Variants in MROH1 observed in about 807,000 individuals in gnomAD.
MROH1 encodes the protein maestro heat-like repeat-containing protein family member 1.
In MROH1, 117 loss-of-function variants were observed where a neutral mutation model predicts 116.5. The observed-to-expected ratio is 1.00, with a 90% confidence interval of 0.86 to 1.17. The LOEUF (loss-of-function observed/expected upper bound fraction) is 1.17. Among genes scored for constraint, MROH1 ranks in the 50% most tolerant of loss-of-function variants. The pLI is 0.00. For missense variants in MROH1, 1,873 were observed against 1,338.5 expected, an observed-to-expected ratio of 1.40 and a Z score of -6.23; for synonymous variants, 921 against 583.9, an observed-to-expected ratio of 1.58 and a Z score of -8.32.
chr8:144,177,069 G>T (rs1195051483), intron 4 of MROH1, among the ~76,000 whole-genome samples: 1 of 152,160 alleles, frequency 6.6e-6, no homozygotes, highest in Non-Finnish European at 1.5e-5. Context: ...CAGGTTCCAC[G>T]TGAACTTAGT....
Position 144,243,542 on chromosome 8 carries a change from C to G in MROH1, c.2401C>G (p.Arg801Gly). 1.3e-6 allele frequency: 1 copy of G among 780,186 alleles called. No individual in the cohort carries two copies. The allele number at this position is 780,186 out of a possible 1,614,324, so 48.3% of individuals were successfully genotyped here. ...TGTCCAGAGTGTGTGCATGGTCAGC[C>G]GCGCCATCTGCAGCAGCACCCAGGC... ...CLVQSVCMVS[R>G]AICSSTQAGS... is the part of the protein sequence containing the mutation. Residue 801 changes from arginine (R) to glycine (G), a missense_variant, in exon 25 of 44, where the codon CGC (arginine) becomes GGC (glycine). By Grantham distance (125) the Arg-to-Gly change is moderately radical. Coordinates refer to ENST00000326134, the MANE Select transcript of MROH1 (RefSeq NM_032450.3).
At chr8:144,155,256 A>G (rs1817758181) in intron 1 of MROH1, among the ~76,000 whole-genome samples, 2 of 151,988 alleles carry the variant, frequency 1.3e-5, no homozygotes, top group Admixed American at 1.3e-4. Flanking sequence ...CGGCCTCTCA[A>G]TACTGCGTCT....
Position 144,192,414 on chromosome 8 carries a change from C to A in MROH1, c.948+13C>A. On this transcript the variant is annotated intron_variant, in intron 10 of 43. Transcript: ENST00000326134. ...ACTGCACTCCCAGGTAGGAGGCGGG[C>A]GTCAGGGGGCGGGTCCAGGTTCTGC... The A allele has an allele frequency of 6.4e-7, 1 of 1,569,068 alleles. No individual in the cohort carries two copies. Among genetic ancestry groups the A allele is most frequent in the Non-Finnish European group, 8.6e-7 (1 of 1,162,306 alleles).
chr8:144,148,511 A>T (rs956597218), intron 1 of MROH1: 1 of 152,192 alleles, frequency 6.6e-6, no homozygotes, highest in Non-Finnish European at 1.5e-5. Flanking sequence ...AGGCGGGGCC[A>T]CCGGGGGTCC....
chr8:144,187,132 C>T (rs974433180), intron 7 of MROH1, among the ~76,000 whole-genome samples: 1 of 151,806 alleles, frequency 6.6e-6, no homozygotes, highest in African/African-American at 2.4e-5. Context: ...AAACTCAGGC[C>T]GGGCATGGTG....
At chr8:144,159,356 G>A (rs1818934448) in intron 1 of MROH1, among the ~76,000 whole-genome samples, 1 of 152,128 alleles carries the variant, frequency 6.6e-6, no homozygotes, top group African/African-American at 2.4e-5. Context: ...GAAACTCCGT[G>A]TCAAAAAGAA....
At chr8:144,256,696 G>A (rs924850848) in intron 35 of MROH1, among the ~76,000 whole-genome samples, 24 of 152,366 alleles carry the variant, frequency 1.6e-4, no homozygotes, top group Admixed American at 1.5e-3. Context: ...AGAGCCTGGT[G>A]TACAGGCCGT....
chr8:144,227,848 G>A (rs1290809732), intron 14 of MROH1, among the ~76,000 whole-genome samples: 1 of 152,102 alleles, frequency 6.6e-6, no homozygotes, highest in Non-Finnish European at 1.5e-5. Context: ...AGCCACTCGA[G>A]AGGCTGAGGT....
rs1375738272 is a variant in MROH1, at chr8:144,182,564, G to A, written c.562+2041G>A. Among the ~76,000 whole-genome samples, 1 of 152,142 alleles carries A rather than the reference G, an allele frequency of 6.6e-6. No homozygotes were observed. The highest frequency in any genetic ancestry group is 1.5e-5 in the Non-Finnish European group (1 of 68,032). On this transcript the variant is annotated intron_variant, in intron 7 of 43. Transcript: ENST00000326134. The surrounding 1 kb of genome is among the most constrained non-coding windows in gnomAD (Gnocchi z 4.1). ...ATTGAGAGAATAAAACTGACCTTCT[G>A]TGAATTAAAGATGCCATAATAGAAA...
At chr8:144,258,377 G>C (rs1239564569) in intron 35 of MROH1, among the ~76,000 whole-genome samples, 1 of 152,244 alleles carries the variant, frequency 6.6e-6, no homozygotes, top group Non-Finnish European at 1.5e-5. Context: ...GGAGTCTCCT[G>C]GGGTACAGGT....
chr8:144,257,047 C>T (rs983141226), intron 35 of MROH1, among the ~76,000 whole-genome samples: 377 of 152,274 alleles, frequency 2.5e-3, no homozygotes, highest in South Asian at 4.1e-3. Flanking sequence ...GTCCTCCCTC[C>T]GCCTGCGGCT....
At chr8:144,258,700 T>A in intron 35 of MROH1, 77 bp from the exon 36 acceptor site, 1 of 706,014 alleles carries the variant, frequency 1.4e-6, no homozygotes. Flanking sequence ...ACGCATTGGG[T>A]GCAGACCTGA....
At chr8:144,152,534 G>A (rs1036331282) in intron 1 of MROH1, among the ~76,000 whole-genome samples, 2 of 146,636 alleles carry the variant, frequency 1.4e-5, no homozygotes, top group African/African-American at 2.7e-5. Flanking sequence ...GACTACAGGC[G>A]TGTGAAAAAT....
chr8:144,239,984 G>A, intron 18 of MROH1, 117 bp from the exon 19 acceptor site: 2 of 712,722 alleles, frequency 2.8e-6, no homozygotes, highest in Non-Finnish European at 2.6e-6. Context: ...CAGGTGGGGG[G>A]CAGCGGGGCG....
chr8:144,237,146 C>T (rs1187594689), intron 14 of MROH1, among the ~76,000 whole-genome samples: 3 of 151,812 alleles, frequency 2.0e-5, no homozygotes, highest in Admixed American at 6.6e-5. Flanking sequence ...ACCTTGTGAT[C>T]CGCTCAACTC....
chr8:144,181,506 C>T (rs1401513612), intron 7 of MROH1, among the ~76,000 whole-genome samples: 2 of 152,212 alleles, frequency 1.3e-5, no homozygotes, highest in Non-Finnish European at 2.9e-5. Flanking sequence ...AGCCCTTGCG[C>T]TCCGTCTCTC....
chr8:144,237,436 G>T lies in MROH1; in HGVS notation c.1339-1320G>T, dbSNP rs2132811109. ...CTGGGGCTGCCCGTGCCTCTGCTCT[G>T]CGGACCCTTCCATGAGCTATTGGTC... On this transcript the variant is annotated intron_variant, in intron 14 of 43. Transcript: ENST00000326134. Among the ~76,000 whole-genome samples the T allele has an allele frequency of 2.0e-5, 3 of 152,348 alleles. No homozygotes were observed. The South Asian group carries it at 6.2e-4, about 32-fold the overall frequency.
At chr8:144,200,224 G>A (rs781603493) in intron 11 of MROH1, among the ~76,000 whole-genome samples, 26 of 152,134 alleles carry the variant, frequency 1.7e-4, no homozygotes, top group Non-Finnish European at 3.4e-4. Context: ...TGGTGCTGGC[G>A]CCGTGGGATA....
rs1322090160 is a variant in MROH1 at position 144,252,025 on chromosome 8, G to A, written c.3428+1659G>A. On this transcript the variant is annotated intron_variant, in intron 33 of 43. Transcript: ENST00000326134. ...CTGCTGCCCATCCTTTCTCCTTGCC[G>A]GGTAGTGCCGGGTGCTGCTGCCCAT... is the stretch of plus-strand genomic sequence containing the variant. The A allele has an allele frequency of 4.7e-5, 10 of 211,804 alleles. 1 individual carries two copies. Among genetic ancestry groups the A allele is most frequent in the South Asian group, 4.2e-4 (8 of 19,236 alleles). 13.1% of individuals were successfully genotyped at this position (211,804 alleles called of 1,614,324 possible). A position where few individuals can be genotyped will look rare whatever the true frequency, so the allele number is the denominator to read the frequency against.
Sources: allele counts gnomAD v4.1 joint callset (sites outside exome capture counted in the v4.1 genomes callset), GRCh38; gene constraint gnomAD v4.1.1; non-coding constraint Gnocchi (gnomAD v3.1); transcripts MANE v1.5; gene names NCBI Gene and HGNC (gene_info 2026-07-23, HGNC 2026-07-21).